MEA1: variants seen among roughly 807,000 people sequenced by gnomAD.
MEA1 encodes Male-enhanced antigen (H-Y structural gene).
Under a neutral mutation model 21.4 loss-of-function variants are expected in MEA1, and 22 were observed. The ratio of observed to expected loss-of-function variants is 1.03; its 90% CI spans 0.73 to 1.47. MEA1 has a LOEUF of 1.47. Among genes scored for constraint, MEA1 ranks in the 40% most tolerant of loss-of-function variants. The pLI, the probability that MEA1 is intolerant of heterozygous loss-of-function variation, is 0.00. For synonymous variants in MEA1, 91 were observed against 85.5 expected (o/e 1.06, Z -0.35); for missense variants, 233 against 230.5 (o/e 1.01, Z -0.07).
chr6:43,014,496 G>A (rs183058863), upstream of MEA1: 806 of 486,328 alleles, frequency 1.7e-3, 7 homozygotes, highest in African/African-American at 0.014. Flanking sequence ...GAGTGTTAAT[G>A]GGGAAAGCAG....
upstream of MEA1, among the ~76,000 whole-genome samples, chr6:43,014,787 TAGG>T (rs1279952335): frequency 6.6e-6 from 1 of 151,566 alleles, no homozygotes; most frequent in East Asian, 1.9e-4. Flanking sequence ...CTTGGAATGG[TAGG>T]AGAAGGAAAA....
In MEA1 at chr6:43,013,457, TCTC is replaced by T. The variant is rs1205469324; in HGVS notation, c.29-71_29-69del. On this transcript the variant is annotated intron_variant, in intron 1 of 3. Coordinates refer to ENST00000244711, the MANE Select transcript of MEA1 (RefSeq NM_014623.4). ...CAGGCCCATCTTCATCCTCTCATCA[TCTC>T]CTTGTAGTCTCCTGCGTGCAAAAAA... 1.5e-5 allele frequency: 23 copies of T among 1,546,136 alleles called. No homozygotes were observed. The African/African-American group carries it at 1.8e-4, about 12-fold the overall frequency.
chr6:43,013,554 C>A (rs568258153), intron 1 of MEA1, 165 bp from the exon 2 acceptor site: 11 of 869,578 alleles, frequency 1.3e-5, no homozygotes, highest in East Asian at 2.7e-5. Flanking sequence ...GTTCCTCCCC[C>A]TCCTAAGTCG....
At chr6:43,015,722 C>T (rs1032156897), upstream of MEA1, among the ~76,000 whole-genome samples, 7 of 151,900 alleles carry the variant, frequency 4.6e-5, no homozygotes, top group Non-Finnish European at 1.0e-4. Flanking sequence ...TGGTGGCAGG[C>T]GCCTGTAATC....
chr6:43,013,727 C>A, intron 1 of MEA1, 59 bp downstream of exon 1: 2 of 1,524,454 alleles, frequency 1.3e-6, no homozygotes, highest in East Asian at 4.6e-5. Context: ...ATCAGACTCC[C>A]CTAAACAGGT....
In MEA1 at chr6:43,013,936, G is replaced by A. The variant is rs1176100167; in HGVS notation, c.-123C>T. ...GCGGCCTCCACTTCCGGCGGGGCAG[G>A]ACGTGCAGAGGTGCCTAGTCCTCCA... On this transcript the variant is annotated 5_prime_UTR_variant, in exon 1 of 4. Coordinates refer to ENST00000244711, the MANE Select transcript of MEA1 (RefSeq NM_014623.4). 9 of 1,471,234 alleles carry A rather than the reference G, an allele frequency of 6.1e-6. No homozygotes were observed. In the South Asian group the frequency reaches 9.7e-5, roughly 16 times the overall value. The allele number at this position is 1,471,234 out of a possible 1,614,324, so 91.1% of individuals were successfully genotyped here.
In MEA1 at chr6:43,011,479, G is replaced by T; in HGVS notation, c.*991C>A. 1 of 715,094 alleles carries T rather than the reference G, an allele frequency of 1.4e-6. No individual in the cohort carries two copies. Among genetic ancestry groups the T allele is most frequent in the Non-Finnish European group, 2.3e-6 (1 of 442,528 alleles). 44.3% of individuals were successfully genotyped at this position (715,094 alleles called of 1,614,324 possible). A position where few individuals can be genotyped will look rare whatever the true frequency, so the allele number is the denominator to read the frequency against. ...CCTCTTCTCCCCAAAAGGTGTTCAT[G>T]CCTCCCTGTGGCTAGTACAGGCTGA... On this transcript the variant is annotated 3_prime_UTR_variant, in exon 4 of 4. Coordinates refer to ENST00000244711, the MANE Select transcript of MEA1 (RefSeq NM_014623.4).
In MEA1 at chr6:43,011,250, G is replaced by T; in HGVS notation, c.*1220C>A. On this transcript the variant is annotated 3_prime_UTR_variant, in exon 4 of 4. Transcript: ENST00000244711. Reference sequence around the variant, plus strand: ...AGGCACTGGAGGCGCACAAGCGGGCGGAAGAGTTCCTAACTGCCAGCCAGG... The same window carrying T: ...AGGCACTGGAGGCGCACAAGCGGGCTGAAGAGTTCCTAACTGCCAGCCAGG... The T allele has an allele frequency of 6.2e-7, 1 of 1,614,070 alleles. No homozygotes were observed. Among genetic ancestry groups the T allele is most frequent in the Non-Finnish European group, 8.5e-7 (1 of 1,180,006 alleles).
Position 43,012,993 on chromosome 6 carries a change from C to T in MEA1, c.339G>A (p.Glu113=). 6.2e-7 allele frequency: 1 copy of T among 1,614,228 alleles called. No homozygotes were observed. Among genetic ancestry groups the T allele is most frequent in the Non-Finnish European group, 8.5e-7 (1 of 1,180,040 alleles). The stretch of plus-strand genomic sequence containing the variant: ...CTCCCTCCTCATCTTCATCTTCACT[C>T]TCTAATGGTGGGTCTGGCAAATGAA... ...LGLHLPDPPL[E]SEDEDEEGAT... is the part of the protein sequence containing the mutation. The change falls in exon 3 of 4, where the codon GAG becomes GAA. Residue 113 remains glutamate, a synonymous_variant. Transcript: ENST00000244711.
Position 43,013,846 on chromosome 6 carries a change from C to A in MEA1, c.-33G>T. 2 of 1,497,558 alleles carry A rather than the reference C, an allele frequency of 1.3e-6. No individual in the cohort carries two copies. The highest frequency in any genetic ancestry group is 1.8e-6 in the Non-Finnish European group (2 of 1,120,202). 92.8% of individuals were successfully genotyped at this position (1,497,558 alleles called of 1,614,324 possible). The stretch of plus-strand genomic sequence containing the variant: ...CCTCAAATGGCCCCAGCTGCAGCGT[C>A]CCCCACCCGCCCCCATCCGAATCCC... On this transcript the variant is annotated 5_prime_UTR_variant, in exon 1 of 4. Coordinates refer to ENST00000244711, the MANE Select transcript of MEA1 (RefSeq NM_014623.4).
In MEA1 at chr6:43,012,550, G is replaced by T; in HGVS notation, c.478C>A (p.Arg160=). 1 of 1,612,850 alleles carries T rather than the reference G, an allele frequency of 6.2e-7. No homozygotes were observed. Among genetic ancestry groups the T allele is most frequent in the Non-Finnish European group, 8.5e-7 (1 of 1,179,472 alleles). Reference sequence around the variant, plus strand: ...TCCCACTGGGCATCCGATATCTCCCGAGCCCAGGCAGGAACCCCTGGCGCA... The same window carrying T: ...TCCCACTGGGCATCCGATATCTCCCTAGCCCAGGCAGGAACCCCTGGCGCA... ...LPAPGVPAWA[R]EISDAQWEDV... Residue 160 remains arginine, a synonymous_variant, in exon 4 of 4, where the codon CGG becomes AGG. Transcript: ENST00000244711.
At position 43,013,465 on chromosome 6, in the gene MEA1, TA is replaced by T. The variant is rs112582435; in HGVS notation, c.29-77del. On this transcript the variant is annotated intron_variant, in intron 1 of 3. Transcript: ENST00000244711. ...TCTTCATCCTCTCATCATCTCCTTG[TA>T]GTCTCCTGCGTGCAAAAAACCAGCT... 4,793 of 1,510,126 alleles carry T rather than the reference TA, an allele frequency of 3.2e-3. 117 individuals carry two copies. In the African/African-American group the frequency reaches 0.056, roughly 18 times the overall value. The allele number at this position is 1,510,126 out of a possible 1,614,324, so 93.5% of individuals were successfully genotyped here. A position where few individuals can be genotyped will look rare whatever the true frequency, so the allele number is the denominator to read the frequency against.
upstream of MEA1, chr6:43,014,106 ATC>A: frequency 7.1e-7 from 1 of 1,413,098 alleles, no homozygotes. Context: ...CATGCGCAGA[ATC>A]TCTCCTACGC....
chr6:43,012,093 C>A lies in MEA1; in HGVS notation c.*377G>T. 1 of 593,712 alleles carries A rather than the reference C, an allele frequency of 1.7e-6. No individual in the cohort carries two copies. The highest frequency in any genetic ancestry group is 2.1e-6 in the Non-Finnish European group (1 of 468,832). The allele number at this position is 593,712 out of a possible 1,614,324, so 36.8% of individuals were successfully genotyped here. A position where few individuals can be genotyped will look rare whatever the true frequency, so the allele number is the denominator to read the frequency against. On this transcript the variant is annotated 3_prime_UTR_variant, in exon 4 of 4. Coordinates refer to ENST00000244711, the MANE Select transcript of MEA1 (RefSeq NM_014623.4). ...GCAGGGAGCGGTGCCCCAAGCATGG[C>A]TCCTGCCAACACCTATTTATTTCCT... is the stretch of plus-strand genomic sequence containing the variant.
chr6:43,013,598 G>A, intron 1 of MEA1, 188 bp downstream of exon 1: 2 of 802,330 alleles, frequency 2.5e-6, no homozygotes, highest in East Asian at 2.7e-5. Flanking sequence ...CCACCAACTT[G>A]CTCCGCCACT....
rs758394810 is a variant in MEA1 at position 43,011,360 on chromosome 6, C to A, written c.*1110G>T. The A allele has an allele frequency of 9.5e-6, 15 of 1,583,446 alleles. No individual in the cohort carries two copies. Among genetic ancestry groups the A allele is most frequent in the Non-Finnish European group, 1.3e-5 (15 of 1,161,662 alleles). On this transcript the variant is annotated 3_prime_UTR_variant, in exon 4 of 4. Coordinates refer to ENST00000244711, the MANE Select transcript of MEA1 (RefSeq NM_014623.4). ...CTGCCCTGGCCCTCCATACTCTGCT[C>A]CCTACTGGCTGTCTTGGGGGAAGGC...
rs780843141 is a variant in MEA1 at position 43,013,381 on chromosome 6, G to C, written c.37C>G (p.Arg13Gly). The change falls in exon 2 of 4, where the codon CGG (arginine) becomes GGG (glycine). Residue 13 changes from arginine (R) to glycine (G), a missense_variant. By Grantham distance (125) the Arg-to-Gly change is moderately radical (BLOSUM62 -2). Coordinates refer to ENST00000244711, the MANE Select transcript of MEA1 (RefSeq NM_014623.4). Reference sequence around the variant, plus strand: ...CCTCCTAGAACTACTGTTGCCATCCGGGCAGGGGCTGCAAGAACAGGGAGG... The same window carrying C: ...CCTCCTAGAACTACTGTTGCCATCCCGGCAGGGGCTGCAAGAACAGGGAGG... ...PERHLSGAPA[R>G]MATVVLGGDT... is the part of the protein sequence containing the mutation. 2.5e-6 allele frequency: 4 copies of C among 1,612,632 alleles called. No individual in the cohort carries two copies. The highest frequency in any genetic ancestry group is 1.1e-5 in the South Asian group (1 of 91,070).
chr6:43,013,313 CTCAG>C lies in MEA1; in HGVS notation c.101_104del (p.Thr34ArgfsTer39). The C allele has an allele frequency of 6.2e-7, 1 of 1,614,142 alleles. No individual in the cohort carries two copies. The highest frequency in any genetic ancestry group is 8.5e-7 in the Non-Finnish European group (1 of 1,180,018). On this transcript the variant is annotated frameshift_variant, in exon 2 of 4. Coordinates refer to ENST00000244711, the MANE Select transcript of MEA1 (RefSeq NM_014623.4). LOFTEE classifies it high-confidence loss of function. ...CTGAAGGGCCCTGATGTCCCAGTTC[CTCAG>C]TCTGATTGGGGAAGATACGCTCAGG... is the stretch of plus-strand genomic sequence containing the variant.
upstream of MEA1, chr6:43,013,975 T>A: frequency 4.9e-6 from 7 of 1,429,074 alleles, no homozygotes; most frequent in Non-Finnish European, 6.4e-6. Context: ...CCGCCCCATA[T>A]CCATGATTGA....
Sources: allele counts gnomAD v4.1 joint callset (sites outside exome capture counted in the v4.1 genomes callset), GRCh38; gene constraint gnomAD v4.1.1; transcripts MANE v1.5; gene names NCBI Gene and HGNC (gene_info 2026-07-23, HGNC 2026-07-21).